Variants in TMEM165 observed in about 807,000 individuals in gnomAD.
TMEM165 encodes putative divalent cation/proton antiporter TMEM165.
Under a neutral mutation model 30.0 loss-of-function variants are expected in TMEM165, and 19 were observed. The observed-to-expected ratio is 0.63, with a 90% confidence interval of 0.44 to 0.93. TMEM165 has a LOEUF of 0.93. Ranked by LOEUF, TMEM165 falls within the 40% of genes least tolerant of loss-of-function variation. TMEM165 has a pLI of 0.00. For synonymous variants in TMEM165, 168 were observed against 162.9 expected, an observed-to-expected ratio of 1.03 and a Z score of -0.24; for missense variants, 340 against 417.0, an observed-to-expected ratio of 0.82 and a Z score of 1.61.
Position 55,450,302 on chromosome 4 carries a change from TAAC to T in TMEM165, c.409-1928_409-1926del, listed in dbSNP as rs891464423. On this transcript the variant is annotated intron_variant, in intron 3 of 3. Transcript: ENST00000608091. ...AGAGATCTCAAATTCACAATACTGTTAACAACAACAAAAAAATCAGTTTTTGTC... is the reference window on the plus strand; with the variant it reads ...AGAGATCTCAAATTCACAATACTGTTAACAACAAAAAAATCAGTTTTTGTC... 22 of 1,581,214 alleles carry T rather than the reference TAAC, an allele frequency of 1.4e-5. 1 individual carries two copies. The highest frequency in any genetic ancestry group is 6.6e-5 in the South Asian group (6 of 90,400).
intron 1 of TMEM165, among the ~76,000 whole-genome samples, chr4:55,398,335 C>T (rs1016079356): frequency 1.3e-5 from 2 of 151,758 alleles, no homozygotes; most frequent in African/African-American, 4.9e-5. Context: ...TTCTGGGAGC[C>T]GATTTAATCC....
At chr4:55,432,396 A>C (rs1722575220) in intron 3 of TMEM165, 1 of 151,932 alleles carries the variant, frequency 6.6e-6, no homozygotes, top group Non-Finnish European at 1.5e-5. Flanking sequence ...TTTTTCCTGA[A>C]ACTCAGTAGT....
At chr4:55,427,517 G>GTAT (rs1553887713), downstream of TMEM165, among the ~76,000 whole-genome samples, 2 of 148,610 alleles carry the variant, frequency 1.3e-5, no homozygotes, top group Admixed American at 6.7e-5. Flanking sequence ...TAATTTTTTT[G>GTAT]TATTTTCAGT....
chr4:55,402,175 A>T (rs1721025614), intron 1 of TMEM165, among the ~76,000 whole-genome samples: 1 of 147,880 alleles, frequency 6.8e-6, no homozygotes, highest in South Asian at 2.1e-4. Context: ...TAAATACATT[A>T]CAAAACAACA....
intron 4 of TMEM165, among the ~76,000 whole-genome samples, chr4:55,422,136 TTGGC>T (rs1390519695): frequency 2.0e-5 from 3 of 152,342 alleles, no homozygotes; most frequent in African/African-American, 4.8e-5. Context: ...CAGGAGGTGA[TTGGC>T]TGGCCACCTC....
chr4:55,428,973 C>CA (rs1722353128), downstream of TMEM165: 1 of 125,750 alleles, frequency 8.0e-6, no homozygotes, highest in African/African-American at 2.9e-5. Flanking sequence ...GCTGACACAT[C>CA]TTTTTTTTTT....
At chr4:55,452,975 G>C (rs913629829) in exon 4 of TMEM165, 1 of 982,560 alleles carries the variant, frequency 1.0e-6, no homozygotes, top group African/African-American at 1.7e-5. Context: ...TTGAAAAATA[G>C]TTTTCCTATT....
intron 1 of TMEM165, among the ~76,000 whole-genome samples, chr4:55,400,135 A>G (rs1720891265): frequency 7.3e-6 from 1 of 137,766 alleles, no homozygotes. Flanking sequence ...ATGAGCCATC[A>G]TGCCTGGCCT....
At chr4:55,421,419 G>A (rs951078795) in intron 4 of TMEM165, among the ~76,000 whole-genome samples, 12 of 147,530 alleles carry the variant, frequency 8.1e-5, no homozygotes, top group African/African-American at 2.7e-4. Context: ...TCCCACCTCA[G>A]CCTTCTGAGT....
chr4:55,403,282 G>A (rs1721110428), intron 1 of TMEM165: 1 of 1,282,604 alleles, frequency 7.8e-7, no homozygotes, highest in Admixed American at 2.3e-5. Flanking sequence ...TTTGTTTCAA[G>A]GAAAGCATCT....
Position 55,452,446 on chromosome 4 carries a change from C to T in TMEM165, c.*140C>T, listed in dbSNP as rs369427610. On this transcript the variant is annotated 3_prime_UTR_variant, in exon 4 of 4. Transcript: ENST00000608091. The stretch of plus-strand genomic sequence containing the variant: ...TTGAGATGACTGTGGCTCCCACCAA[C>T]ACCTTGATTACAGCCTCATGAAAGA... 3 of 152,848 alleles carry T rather than the reference C, an allele frequency of 2.0e-5. No homozygotes were observed. In the South Asian group the frequency reaches 6.2e-4, roughly 32 times the overall value. The allele number at this position is 152,848 out of a possible 1,614,324, so 9.5% of individuals were successfully genotyped here. A position where few individuals can be genotyped will look rare whatever the true frequency, so the allele number is the denominator to read the frequency against.
chr4:55,447,791 C>T (rs1723994161), intron 3 of TMEM165, among the ~76,000 whole-genome samples: 1 of 152,090 alleles, frequency 6.6e-6, no homozygotes, highest in Non-Finnish European at 1.5e-5. Flanking sequence ...ATTGTTTTCA[C>T]CTATTATTAA....
At chr4:55,420,106 A>AAAAAAAAAAAATATAT (rs1474254120) in intron 4 of TMEM165, among the ~76,000 whole-genome samples, 3 of 45,430 alleles carry the variant, frequency 6.6e-5, no homozygotes, top group Non-Finnish European at 8.2e-5. Context: ...AAGAAAAAAA[A>AAAAAAAAAAAATATAT]ATATATATAT....
At chr4:55,410,609 G>A (rs147436296) in intron 1 of TMEM165, among the ~76,000 whole-genome samples, 1 of 152,220 alleles carries the variant, frequency 6.6e-6, no homozygotes, top group Non-Finnish European at 1.5e-5. Context: ...AGCGTAGGAC[G>A]ATCTGTGTTA....
At chr4:55,442,386 A>G (rs760479305) in intron 3 of TMEM165, 22 of 1,502,464 alleles carry the variant, frequency 1.5e-5, no homozygotes, top group Non-Finnish European at 1.9e-5. Flanking sequence ...TTTTCTAATC[A>G]ATCGGTTTAC....
At chr4:55,449,366 A>T in intron 3 of TMEM165, 1 of 1,553,334 alleles carries the variant, frequency 6.4e-7, no homozygotes, top group Non-Finnish European at 8.9e-7. Flanking sequence ...ATAAATCTTT[A>T]TTCAGAAGAA....
Position 55,396,316 on chromosome 4 carries a change from A to G in TMEM165, c.127A>G (p.Asn43Asp). The G allele has an allele frequency of 6.6e-7, 1 of 1,525,274 alleles. No homozygotes were observed. Among genetic ancestry groups the G allele is most frequent in the Non-Finnish European group, 8.8e-7 (1 of 1,140,662 alleles). 94.5% of individuals were successfully genotyped at this position (1,525,274 alleles called of 1,614,324 possible). The change falls in exon 1 of 6, where the codon AAC becomes GAC. Residue 43 changes from asparagine (N) to aspartate (D), a missense_variant. By Grantham distance (23) the Asn-to-Asp change is conservative. Coordinates refer to ENST00000381334, the MANE Select transcript of TMEM165 (RefSeq NM_018475.5). ...AGPDEDLSHR[N>D]KEPPAPAQQL... ...CCCAGATGAAGACCTTAGCCACCGGAACAAAGAACCGCCGGCGCCGGCCCA... is the reference window on the plus strand; with the variant it reads ...CCCAGATGAAGACCTTAGCCACCGGGACAAAGAACCGCCGGCGCCGGCCCA...
At chr4:55,431,208 C>G (rs1331742279) in intron 3 of TMEM165, 1 of 152,060 alleles carries the variant, frequency 6.6e-6, no homozygotes, top group East Asian at 1.9e-4. Flanking sequence ...AGAGTTGGGT[C>G]TTCTCACCTG....
At chr4:55,416,870 G>T in intron 2 of TMEM165, 4 of 445,334 alleles carry the variant, frequency 9.0e-6, no homozygotes, top group South Asian at 3.7e-5. Flanking sequence ...TGAGTAAGCT[G>T]TGTTAGGCCT....
Sources: gnomAD v4.1 joint callset for allele counts (sites outside exome capture counted in the v4.1 genomes callset) on GRCh38, gnomAD v4.1.1 for gene constraint, MANE v1.5 for transcripts, NCBI Gene and HGNC (gene_info 2026-07-23, HGNC 2026-07-21) for gene names.